ADCY8: variants seen among roughly 807,000 people sequenced by gnomAD.
The protein encoded by ADCY8 is adenylate cyclase type 8.
In ADCY8, 51 loss-of-function variants were observed where a neutral mutation model predicts 119.7. The ratio of observed to expected loss-of-function variants is 0.43; its 90% CI spans 0.34 to 0.54. The LOEUF (loss-of-function observed/expected upper bound fraction) is 0.54. Among genes scored for constraint, ADCY8 ranks in the 20% least tolerant of loss-of-function variants. The probability of loss-of-function intolerance (pLI) is 0.03; values close to 1 mark genes in which losing one functional copy is unlikely to be tolerated. For synonymous variants in ADCY8, 665 were observed against 651.0 expected, an observed-to-expected ratio of 1.02 and a Z score of -0.33; for missense variants, 1,383 against 1,598.8, an observed-to-expected ratio of 0.87 and a Z score of 2.30.
intron 1 of ADCY8, among the ~76,000 whole-genome samples, chr8:131,032,353 G>C (rs920727776): frequency 1.3e-5 from 2 of 152,124 alleles, no homozygotes; most frequent in Non-Finnish European, 2.9e-5. Flanking sequence ...GAAAACCCCA[G>C]TAGCTATAAA....
At chr8:130,800,617 T>C (rs1439897437) in intron 14 of ADCY8, 45 bp from the exon 15 acceptor site, 2 of 1,609,198 alleles carry the variant, frequency 1.2e-6, no homozygotes, top group South Asian at 2.2e-5. Context: ...TCATCAGAGG[T>C]CGGTTCTGCA....
At chr8:130,874,354 T>TAAAA (rs574764687) in intron 8 of ADCY8, among the ~76,000 whole-genome samples, 1,605 of 136,038 alleles carry the variant, frequency 0.012, 21 homozygotes, top group Middle Eastern at 0.031. Context: ...AATAAATAAA[T>TAAAA]AAAATACACC....
chr8:130,901,706 A>G (rs1819609217), intron 7 of ADCY8, among the ~76,000 whole-genome samples: 1 of 152,178 alleles, frequency 6.6e-6, no homozygotes, highest in South Asian at 2.1e-4. Context: ...CCAAAATATT[A>G]TTGGTGGCAC....
rs117092110 is a variant in ADCY8 at position 131,024,204 on chromosome 8, G to A, written c.960+15170C>T. ...ACTGTCGCGTGTTTGGCAGTTTCACGCCAATGACAGAACAAGACAGCTTGC... is the reference window on the plus strand; with the variant it reads ...ACTGTCGCGTGTTTGGCAGTTTCACACCAATGACAGAACAAGACAGCTTGC... On this transcript the variant is annotated intron_variant, in intron 1 of 17. Coordinates refer to ENST00000286355, the MANE Select transcript of ADCY8 (RefSeq NM_001115.3). Among the ~76,000 whole-genome samples the A allele has an allele frequency of 3.5e-3, 530 of 152,266 alleles. 2 individuals carry two copies. The highest frequency in any genetic ancestry group is 5.5e-3 in the Admixed American group (84 of 15,296).
intron 8 of ADCY8, among the ~76,000 whole-genome samples, chr8:130,868,549 T>A (rs937299369): frequency 1.3e-5 from 2 of 152,142 alleles, no homozygotes; most frequent in African/African-American, 2.4e-5. Context: ...TTATCCAGAG[T>A]ACTCAGTAAT....
chr8:130,785,252 T>C (rs1451964312), intron 16 of ADCY8, 131 bp downstream of exon 16: 3 of 568,420 alleles, frequency 5.3e-6, no homozygotes, highest in Non-Finnish European at 8.9e-6. Context: ...GTAACTATTA[T>C]AATCCAGTCC....
At chr8:130,821,836 G>A (rs1816520307) in intron 12 of ADCY8, among the ~76,000 whole-genome samples, 1 of 152,222 alleles carries the variant, frequency 6.6e-6, no homozygotes, top group Admixed American at 6.5e-5. Context: ...ATCAGGATTG[G>A]ACAGGGACTT....
At chr8:131,011,009 A>C (rs1823283624) in intron 1 of ADCY8, among the ~76,000 whole-genome samples, 1 of 152,230 alleles carries the variant, frequency 6.6e-6, no homozygotes, top group Non-Finnish European at 1.5e-5. Flanking sequence ...ACAAAATAGA[A>C]TATGCATCAC....
intron 5 of ADCY8, among the ~76,000 whole-genome samples, chr8:130,926,940 C>CAT (rs10572208): frequency 0.046 from 6,625 of 144,908 alleles, 190 homozygotes; most frequent in African/African-American, 0.065. Context: ...TATTCCATTA[C>CAT]ATATATATAT....
At chr8:130,997,529 G>A (rs1410509764) in intron 1 of ADCY8, among the ~76,000 whole-genome samples, 1 of 152,162 alleles carries the variant, frequency 6.6e-6, no homozygotes, top group African/African-American at 2.4e-5. Context: ...AACTTATGCA[G>A]CCAGTAGAAC....
intron 1 of ADCY8, among the ~76,000 whole-genome samples, chr8:131,034,106 AT>A (rs1230451652): frequency 6.6e-6 from 1 of 152,116 alleles, no homozygotes; most frequent in Non-Finnish European, 1.5e-5. Flanking sequence ...TTTAATGGAT[AT>A]TTATGTCTCT....
rs16904356 is a variant in ADCY8 at position 130,783,650 on chromosome 8, T to A, written c.3268+41A>T. 2.9e-3 allele frequency: 4,258 copies of A among 1,484,740 alleles called. 100 individuals carry two copies. The African/African-American group carries it at 0.053, about 18-fold the overall frequency. 92.0% of individuals were successfully genotyped at this position (1,484,740 alleles called of 1,614,324 possible). A position where few individuals can be genotyped will look rare whatever the true frequency, so the allele number is the denominator to read the frequency against. On this transcript the variant is annotated intron_variant, in intron 17 of 17. Coordinates refer to ENST00000286355, the MANE Select transcript of ADCY8 (RefSeq NM_001115.3). ...CAGGGGAGGGTCTGTTGGAGCAAGG[T>A]CAGCTGGCTCTATCAGGCCCCACCT... is the stretch of plus-strand genomic sequence containing the variant.
rs575845490 is a variant in ADCY8 at position 130,932,354 on chromosome 8, G to A, written c.1481+4719C>T. ...GAGCTGTGTGGTCCTATCTGCCATC[G>A]GGGCGTGTGTAGAGGCTTAGTCTGT... On this transcript the variant is annotated intron_variant, in intron 5 of 17. Transcript: ENST00000286355. Among the ~76,000 whole-genome samples the A allele has an allele frequency of 1.5e-3, 235 of 152,220 alleles. 1 individual carries two copies. The highest frequency in any genetic ancestry group is 5.1e-3 in the African/African-American group (213 of 41,516).
In ADCY8 at chr8:130,994,399, G is replaced by A. The variant is rs567828616; in HGVS notation, c.961-3857C>T. Among the ~76,000 whole-genome samples the A allele has an allele frequency of 5.9e-5, 9 of 152,312 alleles. No individual in the cohort carries two copies. The South Asian group carries it at 6.2e-4, about 11-fold the overall frequency. On this transcript the variant is annotated intron_variant, in intron 1 of 17. Transcript: ENST00000286355. ...ACCAAAGCTTCCCCATCAATTTGAC[G>A]TTTGTCCTTACTTCAATTTTAGCAG...
chr8:130,836,232 A>T (rs373120850), intron 12 of ADCY8, 45 bp downstream of exon 12: 1 of 1,547,066 alleles, frequency 6.5e-7, no homozygotes, highest in African/African-American at 1.4e-5. Context: ...TCCACTTCCC[A>T]CAGGAAGTTG....
chr8:130,833,110 C>T (rs187443085), intron 12 of ADCY8, among the ~76,000 whole-genome samples: 69 of 152,286 alleles, frequency 4.5e-4, no homozygotes, highest in Admixed American at 7.8e-4. Context: ...TGGCCACTAA[C>T]CATCTTACCT....
intron 12 of ADCY8, among the ~76,000 whole-genome samples, chr8:130,831,322 G>A (rs1341121640): frequency 2.6e-5 from 4 of 152,194 alleles, no homozygotes; most frequent in Non-Finnish European, 1.5e-5. Flanking sequence ...ATATGAACAT[G>A]AGTAATGGTC....
At chr8:130,873,545 C>G (rs955966649) in intron 8 of ADCY8, among the ~76,000 whole-genome samples, 3 of 152,144 alleles carry the variant, frequency 2.0e-5, no homozygotes, top group Non-Finnish European at 2.9e-5. Context: ...GTCTTGAACT[C>G]CCAACCTCAG....
chr8:130,801,032 G>T (rs1317194348), intron 14 of ADCY8, among the ~76,000 whole-genome samples: 1 of 152,130 alleles, frequency 6.6e-6, no homozygotes, highest in Non-Finnish European at 1.5e-5. Context: ...CCATCACCTT[G>T]TGAGTTAGGG....
Sources: allele counts gnomAD v4.1 joint callset (sites outside exome capture counted in the v4.1 genomes callset), GRCh38; gene constraint gnomAD v4.1.1; transcripts MANE v1.5; gene names NCBI Gene and HGNC (gene_info 2026-07-23, HGNC 2026-07-21).